Variants in ETS1 observed in about 807,000 individuals in gnomAD.
The protein encoded by ETS1 is ETS proto-oncogene 1, transcription factor.
ETS1 carries 15 observed loss-of-function variants against 58.6 expected under a neutral mutation model. The observed-to-expected ratio is 0.26, with a 90% CI of 0.17 to 0.39. ETS1 has a LOEUF of 0.39. Ranked by LOEUF, ETS1 falls within the 10% of genes least tolerant of loss-of-function variation. The pLI, the probability that ETS1 is intolerant of heterozygous loss-of-function variation, is 1.00. For missense variants in ETS1, 417 were observed against 610.5 expected, an observed-to-expected ratio of 0.68 and a Z score of 3.34; for synonymous variants, 214 against 218.2, an observed-to-expected ratio of 0.98 and a Z score of 0.17.
rs1565421290 is a variant in ETS1, at chr11:128,585,060, GAAA to G, written c.-15+2425_-15+2427del. Among the ~76,000 whole-genome samples the G allele has an allele frequency of 1.4e-4, 3 of 21,148 alleles. 1 individual carries two copies. Among genetic ancestry groups the G allele is most frequent in the African/African-American group, 4.8e-4 (1 of 2,090 alleles). 13.9% of individuals were successfully genotyped at this position (21,148 alleles called of 152,430 possible). A position where few individuals can be genotyped will look rare whatever the true frequency, so the allele number is the denominator to read the frequency against. ...AGAAAGAAAGAAAGAAAGAAAGAAA[GAAA>G]GAAAGAAAGAAAGAGAAAGAAAGAA... is the stretch of plus-strand genomic sequence containing the variant. On this transcript the variant is annotated intron_variant, in intron 1 of 9. Coordinates refer to ENST00000392668, the MANE Select transcript of ETS1 (RefSeq NM_001143820.2).
At position 128,477,464 on chromosome 11, in the gene ETS1, G is replaced by A. The variant is rs188372853; in HGVS notation, c.1123+2727C>T. ...ATAGGCACTCTAGTGACTGCCTCAG[G>A]TGGTGGGTGAGGCTGTATGGGCACA... On this transcript the variant is annotated intron_variant, in intron 8 of 9. Coordinates refer to ENST00000392668, the MANE Select transcript of ETS1 (RefSeq NM_001143820.2). Among the ~76,000 whole-genome samples, 17 of 152,276 alleles carry A rather than the reference G, an allele frequency of 1.1e-4. No homozygotes were observed. In the East Asian group the frequency reaches 2.9e-3, roughly 26 times the overall value.
Position 128,572,501 on chromosome 11 carries a change from T to C in ETS1, c.69+561A>G, listed in dbSNP as rs546771023. On this transcript the variant is annotated intron_variant, in intron 2 of 9. Coordinates refer to ENST00000392668, the MANE Select transcript of ETS1 (RefSeq NM_001143820.2). ...TGAGAAATTTGTCAAAGCATTTCTATTGATCAGCATATAGCTTGGGCAAGG... is the reference window on the plus strand; with the variant it reads ...TGAGAAATTTGTCAAAGCATTTCTACTGATCAGCATATAGCTTGGGCAAGG... Among the ~76,000 whole-genome samples, 6 of 152,352 alleles carry C rather than the reference T, an allele frequency of 3.9e-5. No individual in the cohort carries two copies. In the East Asian group the frequency reaches 9.6e-4, roughly 24 times the overall value.
Position 128,490,582 on chromosome 11 carries a change from T to A in ETS1, c.215-6A>T, listed in dbSNP as rs1248633894. On this transcript the variant is annotated splice_polypyrimidine_tract_variant and splice_region_variant and intron_variant, in intron 3 of 9. Transcript: ENST00000392668. ...GACATCTGCACATTCCATATCTGCA[T>A]GAAAAAATTGCATATGAATAACAAA... The A allele has an allele frequency of 1.2e-6, 2 of 1,605,798 alleles. No homozygotes were observed. Among genetic ancestry groups the A allele is most frequent in the African/African-American group, 1.3e-5 (1 of 74,606 alleles).
At chr11:128,526,914 G>A (rs1031937822) in intron 3 of ETS1, 48 of 456,110 alleles carry the variant, frequency 1.1e-4, no homozygotes, top group Non-Finnish European at 1.9e-4. Context: ...TGTGAGTGAG[G>A]AAATTATTAT....
At chr11:128,474,287 G>A (rs1025372896) in intron 8 of ETS1, among the ~76,000 whole-genome samples, 3 of 152,098 alleles carry the variant, frequency 2.0e-5, no homozygotes, top group Non-Finnish European at 2.9e-5. Flanking sequence ...AGGTATTACC[G>A]CAGCTGAATC....
intron 3 of ETS1, chr11:128,526,063 G>A (rs1447657746): frequency 6.7e-6 from 1 of 149,414 alleles, no homozygotes; most frequent in Non-Finnish European, 1.5e-5. Flanking sequence ...ATCAGCCCTA[G>A]CTCTCCCTAG....
chr11:128,470,191 C>T (rs992048296), intron 8 of ETS1, among the ~76,000 whole-genome samples: 9 of 152,084 alleles, frequency 5.9e-5, no homozygotes, highest in South Asian at 2.1e-4. Flanking sequence ...CTTTGACTGC[C>T]GAGTTCATGT....
At chr11:128,507,219 G>A (rs750931737) in intron 3 of ETS1, among the ~76,000 whole-genome samples, 28 of 152,242 alleles carry the variant, frequency 1.8e-4, no homozygotes, top group African/African-American at 5.8e-4. Flanking sequence ...GACTCAGATC[G>A]AGCCGGGCTC....
chr11:128,582,173 C>G (rs925505867), intron 1 of ETS1, among the ~76,000 whole-genome samples: 1 of 152,080 alleles, frequency 6.6e-6, no homozygotes, highest in African/African-American at 2.4e-5. Context: ...GAACTGAGTC[C>G]TAAGAGGTTA....
chr11:128,580,905 C>T (rs1209788081), intron 1 of ETS1, among the ~76,000 whole-genome samples: 3 of 152,160 alleles, frequency 2.0e-5, no homozygotes, highest in Non-Finnish European at 4.4e-5. Context: ...ATAACACTTT[C>T]AAGTCCTGTA....
chr11:128,522,420 T>C (rs544908436), intron 3 of ETS1: 43 of 895,964 alleles, frequency 4.8e-5, no homozygotes, highest in South Asian at 1.0e-4. Flanking sequence ...GGCCGGGCGA[T>C]GTCCGCTTGG....
chr11:128,522,059 A>C, intron 3 of ETS1: 1 of 1,489,868 alleles, frequency 6.7e-7, no homozygotes, highest in Non-Finnish European at 9.0e-7. Context: ...TTTTCTTTTT[A>C]ATGAGGATTA....
chr11:128,552,894 G>T (rs1442391431), intron 3 of ETS1, among the ~76,000 whole-genome samples: 2 of 152,192 alleles, frequency 1.3e-5, no homozygotes, highest in East Asian at 1.9e-4. Context: ...ACGGTAAAAC[G>T]TCAGTGAGCT....
Position 128,462,274 on chromosome 11 carries a change from T to C in ETS1, c.*87A>G. The C allele has an allele frequency of 9.4e-7, 1 of 1,059,360 alleles. No individual in the cohort carries two copies. The highest frequency in any genetic ancestry group is 1.4e-6 in the Non-Finnish European group (1 of 715,876). 65.6% of individuals were successfully genotyped at this position (1,059,360 alleles called of 1,614,324 possible). On this transcript the variant is annotated 3_prime_UTR_variant, in exon 10 of 10. Coordinates refer to ENST00000392668, the MANE Select transcript of ETS1 (RefSeq NM_001143820.2). ...AAAATGAGTTCTGGAAAATAAAAAA[T>C]AGAATAACAATTCAAAATTCAGAGT...
intron 3 of ETS1, among the ~76,000 whole-genome samples, chr11:128,505,552 C>A (rs898923575): frequency 6.6e-6 from 1 of 152,150 alleles, no homozygotes. Context: ...TTCTATTGTT[C>A]CTGCTGCTGC....
chr11:128,493,787 C>T (rs1272815907), intron 3 of ETS1, among the ~76,000 whole-genome samples: 2 of 152,204 alleles, frequency 1.3e-5, no homozygotes, highest in Non-Finnish European at 2.9e-5. Flanking sequence ...GTGAGCATTG[C>T]TCTTAAGTGA....
intron 4 of ETS1, among the ~76,000 whole-genome samples, chr11:128,490,100 C>A: frequency 6.6e-6 from 1 of 152,228 alleles, no homozygotes; most frequent in East Asian, 1.9e-4. Context: ...AACATGCAAT[C>A]TTCATACATG....
chr11:128,487,481 C>G (rs1862665760), intron 5 of ETS1, among the ~76,000 whole-genome samples: 1 of 152,138 alleles, frequency 6.6e-6, no homozygotes, highest in African/African-American at 2.4e-5. Context: ...TGGCTCACGC[C>G]TGTAATCCCA....
rs1192360423 is a variant in ETS1 at position 128,549,266 on chromosome 11, G to T, written c.214+7025C>A. Reference sequence around the variant, plus strand: ...CACCCTCCACTCTCACGCGCCCCTCGCCCCTCGCCCCTCGCCCCTCGCCCC... The same window carrying T: ...CACCCTCCACTCTCACGCGCCCCTCTCCCCTCGCCCCTCGCCCCTCGCCCC... On this transcript the variant is annotated intron_variant, in intron 3 of 9. Transcript: ENST00000392668. This position sits in a 1 kb window ranked among gnomAD's most constrained non-coding sequence, Gnocchi z 4.3. Among the ~76,000 whole-genome samples, 2 of 126,000 alleles carry T rather than the reference G, an allele frequency of 1.6e-5. No individual in the cohort carries two copies. Among genetic ancestry groups the T allele is most frequent in the Admixed American group, 8.1e-5 (1 of 12,380 alleles). 82.7% of individuals were successfully genotyped at this position (126,000 alleles called of 152,430 possible).
Sources: gnomAD v4.1 joint callset for allele counts (sites outside exome capture counted in the v4.1 genomes callset) on GRCh38, gnomAD v4.1.1 for gene constraint, Gnocchi (gnomAD v3.1) non-coding constraint, MANE v1.5 for transcripts, NCBI Gene and HGNC (gene_info 2026-07-23, HGNC 2026-07-21) for gene names.